Variants in CSRP3 observed in about 807,000 individuals in gnomAD.
CSRP3 encodes the protein cysteine and glycine-rich protein 3.
A neutral mutation model predicts 24.3 loss-of-function variants in CSRP3; 24 were observed. That is an observed-to-expected ratio of 0.99 (90% CI 0.71 to 1.39). The LOEUF is 1.39. Ranked by LOEUF, CSRP3 falls within the 40% of genes most tolerant of loss-of-function variation. The probability of loss-of-function intolerance (pLI) is 0.00; values close to 1 mark genes in which losing one functional copy is unlikely to be tolerated. For synonymous variants in CSRP3, 105 were observed against 94.0 expected, an observed-to-expected ratio of 1.12 and a Z score of -0.68; for missense variants, 240 against 249.0, an observed-to-expected ratio of 0.96 and a Z score of 0.24.
In CSRP3 at chr11:19,188,147, C is replaced by T. The variant is rs774366633; in HGVS notation, c.270G>A (p.Leu90=). ...GGGCAGTAACTCACTGTTGGAACTGCAGGCCGAGATGCTCGCCCGTGTCTG... is the reference window on the plus strand; with the variant it reads ...GGGCAGTAACTCACTGTTGGAACTGTAGGCCGAGATGCTCGCCCGTGTCTG... ...LSTDTGEHLG[L]QFQQSPKPAR... The change falls in exon 3 of 6, where the codon CTG becomes CTA. Residue 90 remains leucine, a synonymous_variant. Transcript: ENST00000265968. 2 of 1,614,182 alleles carry T rather than the reference C, an allele frequency of 1.2e-6. No individual in the cohort carries two copies. The highest frequency in any genetic ancestry group is 1.7e-6 in the Non-Finnish European group (2 of 1,180,028).
chr11:19,201,048 G>A (rs150900452), intron 1 of CSRP3, among the ~76,000 whole-genome samples: 30 of 152,268 alleles, frequency 2.0e-4, no homozygotes, highest in Non-Finnish European at 3.2e-4. Context: ...ATTAGAGTCG[G>A]CAGCTTGGAT....
chr11:19,191,299 C>G (rs181920055), intron 2 of CSRP3, among the ~76,000 whole-genome samples: 2 of 152,178 alleles, frequency 1.3e-5, no homozygotes, highest in Non-Finnish European at 2.9e-5. Context: ...TGGACAAAAG[C>G]CCCAACAGAT....
chr11:19,182,666 C>A lies in CSRP3; in HGVS notation c.*4G>T. The A allele has an allele frequency of 6.2e-7, 1 of 1,613,888 alleles. No individual in the cohort carries two copies. Among genetic ancestry groups the A allele is most frequent in the Non-Finnish European group, 8.5e-7 (1 of 1,179,774 alleles). On this transcript the variant is annotated 3_prime_UTR_variant, in exon 6 of 6. Transcript: ENST00000265968. ...GCAAAAAATCTGAGAAACGGCGCAC[C>A]TCTTCATTCTTTCTTTTCCACTTGT...
At position 19,186,332 on chromosome 11, in the gene CSRP3, G is replaced by T; in HGVS notation, c.298C>A (p.Arg100Ser). 1 of 1,614,204 alleles carries T rather than the reference G, an allele frequency of 6.2e-7. No homozygotes were observed. Among genetic ancestry groups the T allele is most frequent in the Non-Finnish European group, 8.5e-7 (1 of 1,180,040 alleles). ...LQFQQSPKPA[R>S]SVTTSNPSKF... ...GAAGGGTTGCTGGTGGTAACTGAGC[G>T]TGCCGGCTTTGGGGACCTGTTGGAA... The change falls in exon 4 of 6, where the codon CGC becomes AGC. Residue 100 changes from arginine to serine, a missense_variant. Transcript: ENST00000265968.
intron 1 of CSRP3, among the ~76,000 whole-genome samples, chr11:19,192,912 C>T (rs1013485902): frequency 6.6e-6 from 1 of 152,064 alleles, no homozygotes; most frequent in Non-Finnish European, 1.5e-5. Context: ...CACCTTAGAC[C>T]TTGCTAAATG....
chr11:19,197,233 C>A (rs956430918), intron 1 of CSRP3, among the ~76,000 whole-genome samples: 2 of 152,062 alleles, frequency 1.3e-5, no homozygotes, highest in Non-Finnish European at 2.9e-5. Flanking sequence ...ATGTGAGAAC[C>A]AATTAGGTTC....
intron 1 of CSRP3, among the ~76,000 whole-genome samples, chr11:19,193,398 C>T (rs964199445): frequency 6.6e-6 from 1 of 152,238 alleles, no homozygotes. Context: ...TGTCCTCCTG[C>T]ACCATTGGAG....
At chr11:19,198,715 C>T (rs1259853692) in intron 1 of CSRP3, among the ~76,000 whole-genome samples, 1 of 132,650 alleles carries the variant, frequency 7.5e-6, no homozygotes, top group African/African-American at 2.4e-5. Context: ...GACATAGCCA[C>T]AGTGAAAACC....
Position 19,182,134 on chromosome 11 carries a change from T to A in CSRP3, c.*536A>T, listed in dbSNP as rs973533387. ...CACGATAGGACAAAGGGATCAACTC[T>A]TCAGCAATTTTATTAGTTTTGATTT... On this transcript the variant is annotated 3_prime_UTR_variant, in exon 6 of 6. Coordinates refer to ENST00000265968, the MANE Select transcript of CSRP3 (RefSeq NM_003476.5). 6 of 159,512 alleles carry A rather than the reference T, an allele frequency of 3.8e-5. No homozygotes were observed. The highest frequency in any genetic ancestry group is 1.4e-4 in the African/African-American group (6 of 41,488). The allele number at this position is 159,512 out of a possible 1,614,324, so 9.9% of individuals were successfully genotyped here. A position where few individuals can be genotyped will look rare whatever the true frequency, so the allele number is the denominator to read the frequency against.
chr11:19,191,232 T>A (rs112646465), intron 2 of CSRP3, among the ~76,000 whole-genome samples: 11 of 152,332 alleles, frequency 7.2e-5, no homozygotes, highest in African/African-American at 2.6e-4. Context: ...TTTACTCTAA[T>A]TCTAGAATTC....
chr11:19,186,459 C>T, intron 3 of CSRP3, 111 bp from the exon 4 acceptor site: 3 of 1,326,486 alleles, frequency 2.3e-6, no homozygotes, highest in Non-Finnish European at 2.2e-6. Flanking sequence ...GACTCCTCAT[C>T]TGGAAAATGG....
At chr11:19,198,323 C>A (rs768818704) in intron 1 of CSRP3, among the ~76,000 whole-genome samples, 2 of 152,214 alleles carry the variant, frequency 1.3e-5, no homozygotes, top group African/African-American at 2.4e-5. Context: ...ACCTCCATCA[C>A]CCAGACTTCC....
At chr11:19,188,807 A>G (rs952361461) in intron 2 of CSRP3, among the ~76,000 whole-genome samples, 10 of 152,168 alleles carry the variant, frequency 6.6e-5, no homozygotes, top group Non-Finnish European at 1.3e-4. Context: ...ATTGAGGCTA[A>G]TTTTGGTCAA....
intron 5 of CSRP3, among the ~76,000 whole-genome samples, chr11:19,183,683 G>A (rs1850475984): frequency 6.6e-6 from 1 of 152,104 alleles, no homozygotes; most frequent in Admixed American, 6.5e-5. Flanking sequence ...GAAGGCTGAG[G>A]ACCCCGTAGG....
At chr11:19,183,019 A>G (rs1045550277) in intron 5 of CSRP3, among the ~76,000 whole-genome samples, 1 of 152,116 alleles carries the variant, frequency 6.6e-6, no homozygotes. Flanking sequence ...TTAGCTGGGC[A>G]TGGTGGCATG....
At chr11:19,192,916 C>T (rs1383159020) in intron 1 of CSRP3, among the ~76,000 whole-genome samples, 2 of 152,032 alleles carry the variant, frequency 1.3e-5, no homozygotes, top group Non-Finnish European at 2.9e-5. Context: ...TTAGACCTTG[C>T]TAAATGCAGA....
At chr11:19,196,543 G>A (rs12290313) in intron 1 of CSRP3, among the ~76,000 whole-genome samples, 7,443 of 152,184 alleles carry the variant, frequency 0.049, 621 homozygotes, top group African/African-American at 0.17. Context: ...TCAGCTTCCC[G>A]CATTGCTTTG....
Position 19,188,239 on chromosome 11 carries a change from C to A in CSRP3, c.178G>T (p.Val60Leu). The change falls in exon 3 of 6, where the codon GTG becomes TTG. Residue 60 changes from valine to leucine, a missense_variant. Physicochemically the swap from Val to Leu is conservative, Grantham distance 32 (BLOSUM62 1). Transcript: ENST00000265968. ...GGGCCATATCTGCGCCCATAGCACA[C>A]CTTGCAGTAGATCTCCGACTCATGA... is the stretch of plus-strand genomic sequence containing the variant. The part of the protein sequence containing the change: ...AAHESEIYCK[V>L]CYGRRYGPKG... 1 of 1,613,480 alleles carries A rather than the reference C, an allele frequency of 6.2e-7. No individual in the cohort carries two copies. The highest frequency in any genetic ancestry group is 8.5e-7 in the Non-Finnish European group (1 of 1,180,016).
intron 5 of CSRP3, among the ~76,000 whole-genome samples, chr11:19,183,588 T>C (rs1192023109): frequency 6.6e-6 from 1 of 152,210 alleles, no homozygotes; most frequent in Non-Finnish European, 1.5e-5. Context: ...CTATAGACTT[T>C]TTTTTTCACT....
Sources: gnomAD v4.1 joint callset for allele counts (sites outside exome capture counted in the v4.1 genomes callset) on GRCh38, gnomAD v4.1.1 for gene constraint, MANE v1.5 for transcripts, NCBI Gene and HGNC (gene_info 2026-07-23, HGNC 2026-07-21) for gene names.